LDLRAD4: variants seen among roughly 807,000 people sequenced by gnomAD.
LDLRAD4 encodes low-density lipoprotein receptor class A domain-containing protein 4.
Under a neutral mutation model 17.0 loss-of-function variants are expected in LDLRAD4, and 5 were observed. The observed-to-expected ratio is 0.29, with a 90% CI of 0.15 to 0.62. The LOEUF is 0.62. Among genes scored for constraint, LDLRAD4 ranks in the 20% least tolerant of loss-of-function variants. The pLI, the probability that LDLRAD4 is intolerant of heterozygous loss-of-function variation, is 0.84. For synonymous variants in LDLRAD4, 168 were observed against 171.8 expected, an observed-to-expected ratio of 0.98 and a Z score of 0.17; for missense variants, 340 against 424.7, an observed-to-expected ratio of 0.80 and a Z score of 1.75.
intron 1 of LDLRAD4, among the ~76,000 whole-genome samples, chr18:13,381,703 C>T (rs186555738): frequency 1.2e-4 from 19 of 152,314 alleles, no homozygotes; most frequent in African/African-American, 4.3e-4. Context: ...TGACATCTCC[C>T]TTGGTGGGAC....
chr18:13,380,788 C>T (rs941434916), intron 1 of LDLRAD4, among the ~76,000 whole-genome samples: 1 of 152,160 alleles, frequency 6.6e-6, no homozygotes, highest in African/African-American at 2.4e-5. Context: ...GAATTGGTGA[C>T]CTACAGCAAG....
chr18:13,416,522 C>G (rs62085685), intron 2 of LDLRAD4, among the ~76,000 whole-genome samples: 4,296 of 152,240 alleles, frequency 0.028, 179 homozygotes, highest in East Asian at 0.16. Flanking sequence ...TGAAAACAGG[C>G]TTCAGCAGAG....
chr18:13,220,710 G>C (rs1377526037), intron 1 of LDLRAD4, among the ~76,000 whole-genome samples: 1 of 152,196 alleles, frequency 6.6e-6, no homozygotes, highest in East Asian at 1.9e-4. Context: ...CTGTAGTCTT[G>C]GTTGACTTAG....
At chr18:13,388,879 A>T (rs1452953771) in intron 2 of LDLRAD4, among the ~76,000 whole-genome samples, 6 of 152,232 alleles carry the variant, frequency 3.9e-5, no homozygotes, top group Non-Finnish European at 8.8e-5. Context: ...ATAGTCTGTG[A>T]CATGGGGTCT....
At chr18:13,223,422 G>A (rs1446963664) in intron 1 of LDLRAD4, among the ~76,000 whole-genome samples, 1 of 152,176 alleles carries the variant, frequency 6.6e-6, no homozygotes, top group Admixed American at 6.5e-5. Flanking sequence ...TGGCAGGCAG[G>A]CTTTTTGCCA....
At chr18:13,488,417 C>G (rs1476689702) in intron 3 of LDLRAD4, 2 of 152,086 alleles carry the variant, frequency 1.3e-5, no homozygotes, top group Non-Finnish European at 2.9e-5. Flanking sequence ...TGCACCCTTC[C>G]AGGTGCGTTT....
intron 1 of LDLRAD4, among the ~76,000 whole-genome samples, chr18:13,272,188 C>T (rs2044597165): frequency 6.6e-6 from 1 of 152,218 alleles, no homozygotes; most frequent in African/African-American, 2.4e-5. Context: ...GCCACCACAC[C>T]TGGCCCTCAG....
In LDLRAD4 at chr18:13,364,029, T is replaced by G. The variant is rs1196568979; in HGVS notation, c.-382-23312T>G. Among the ~76,000 whole-genome samples, 3 of 152,204 alleles carry G rather than the reference T, an allele frequency of 2.0e-5. No homozygotes were observed. The East Asian group carries it at 5.8e-4, about 29-fold the overall frequency. ...TTTAAAAGTTTGGTCTGAAGTATACTGAGGCCATAGAAATGTTCTGTTCTA... is the reference window on the plus strand; with the variant it reads ...TTTAAAAGTTTGGTCTGAAGTATACGGAGGCCATAGAAATGTTCTGTTCTA... On this transcript the variant is annotated intron_variant, in intron 1 of 5. Coordinates refer to ENST00000359446, the Ensembl canonical transcript of LDLRAD4.
rs538377599 is a variant in LDLRAD4, at chr18:13,385,033, T to C, written c.-382-2308T>C. ...GGATTGCTGGATCATATGGTGATTC[T>C]ATTTTTAGTCTTTTGAGGAACCTCC... On this transcript the variant is annotated intron_variant, in intron 1 of 5. Transcript: ENST00000359446. Among the ~76,000 whole-genome samples the C allele has an allele frequency of 7.9e-5, 12 of 152,374 alleles. No individual in the cohort carries two copies. In the South Asian group the frequency reaches 2.3e-3, roughly 29 times the overall value.
chr18:13,528,647 A>T (rs951845425), intron 3 of LDLRAD4, among the ~76,000 whole-genome samples: 1 of 152,162 alleles, frequency 6.6e-6, no homozygotes, highest in Non-Finnish European at 1.5e-5. Flanking sequence ...TCTGTTTTCA[A>T]CCTCTCAACA....
At position 13,440,716 on chromosome 18, in the gene LDLRAD4, C is replaced by T. The variant is rs76635161; in HGVS notation, c.181+2332C>T. Among the ~76,000 whole-genome samples the T allele has an allele frequency of 3.6e-3, 541 of 152,300 alleles. 3 individuals carry two copies. Among genetic ancestry groups the T allele is most frequent in the African/African-American group, 0.012 (512 of 41,554 alleles). On this transcript the variant is annotated intron_variant, in intron 3 of 5. Coordinates refer to ENST00000359446, the Ensembl canonical transcript of LDLRAD4. The surrounding 1 kb of genome is among the most constrained non-coding windows in gnomAD (Gnocchi z 4.4). ...CCGTGTAAGCATCTAAAGGAAAGAA[C>T]GTCCATGGGAAACACAGTCTATGTC...
rs2042771763 is a variant in LDLRAD4 at position 13,643,344 on chromosome 18, C to T, written c.337-15C>T. 10 of 1,472,696 alleles carry T rather than the reference C, an allele frequency of 6.8e-6. No homozygotes were observed. Among genetic ancestry groups the T allele is most frequent in the Non-Finnish European group, 8.1e-6 (9 of 1,105,322 alleles). 91.2% of individuals were successfully genotyped at this position (1,472,696 alleles called of 1,614,324 possible). On this transcript the variant is annotated splice_polypyrimidine_tract_variant and intron_variant, in intron 4 of 5. Coordinates refer to ENST00000359446, the Ensembl canonical transcript of LDLRAD4. ...TTCTTGTTCCCCCCACTCTCCTCCC[C>T]TTCCCCTCCGCCAGGAAGGGTGCCT...
intron 1 of LDLRAD4, among the ~76,000 whole-genome samples, chr18:13,354,926 G>T (rs192818840): frequency 1.3e-5 from 2 of 152,236 alleles, no homozygotes; most frequent in African/African-American, 4.8e-5. Flanking sequence ...TCTTCAAGGA[G>T]GTTCTGCTCT....
chr18:13,275,939 A>T (rs12326289), upstream of LDLRAD4, among the ~76,000 whole-genome samples: 5,099 of 152,274 alleles, frequency 0.033, 284 homozygotes, highest in African/African-American at 0.12. Context: ...TAATGTACAG[A>T]TGTGTATGCG....
intron 2 of LDLRAD4, among the ~76,000 whole-genome samples, chr18:13,396,560 T>A (rs1003149445): frequency 6.6e-6 from 1 of 152,250 alleles, no homozygotes; most frequent in East Asian, 1.9e-4. Context: ...CGTAGCTCAC[T>A]GCAGTCTCAA....
At chr18:13,650,128 T>TTG in exon 6 of LDLRAD4, 3 of 398,798 alleles carry the variant, frequency 7.5e-6, no homozygotes, top group Non-Finnish European at 1.3e-5. Flanking sequence ...GAAAGCACTC[T>TTG]TAGCCTTGCA....
At chr18:13,270,501 T>C (rs1421567567) in intron 1 of LDLRAD4, among the ~76,000 whole-genome samples, 1 of 152,188 alleles carries the variant, frequency 6.6e-6, no homozygotes, top group Non-Finnish European at 1.5e-5. Context: ...TACAAGTGTA[T>C]CACAGCACTG....
chr18:13,439,127 G>A (rs1284042084), intron 3 of LDLRAD4, among the ~76,000 whole-genome samples: 3 of 151,970 alleles, frequency 2.0e-5, no homozygotes, highest in African/African-American at 4.8e-5. Context: ...CTCCTCACAC[G>A]GCCTTCTTAC....
chr18:13,565,384 T>TGGGCCAGGGCCA (rs141780431), intron 3 of LDLRAD4, among the ~76,000 whole-genome samples: 1 of 151,890 alleles, frequency 6.6e-6, no homozygotes, highest in Admixed American at 6.6e-5. Flanking sequence ...AGCGCCAAGC[T>TGGGCCAGGGCCA]GGGCCAGGGC....
Sources: gnomAD v4.1 joint callset for allele counts (sites outside exome capture counted in the v4.1 genomes callset) on GRCh38, gnomAD v4.1.1 for gene constraint, Gnocchi (gnomAD v3.1) non-coding constraint, MANE v1.5 for transcripts, NCBI Gene and HGNC (gene_info 2026-07-23, HGNC 2026-07-21) for gene names.